ERC2: variants seen among roughly 807,000 people sequenced by gnomAD.
ERC2 encodes ERC protein 2.
In ERC2, 42 loss-of-function variants were observed where a neutral mutation model predicts 114.8. The observed-to-expected ratio is 0.37, with a 90% CI of 0.29 to 0.47. The LOEUF is 0.47. ERC2 is among the 20% of genes least tolerant of loss of function. ERC2 has a pLI of 0.99. For synonymous variants in ERC2, 454 were observed against 425.5 expected, an observed-to-expected ratio of 1.07 and a Z score of -0.82; for missense variants, 939 against 1,150.7, an observed-to-expected ratio of 0.82 and a Z score of 2.66.
chr3:55,580,230 T>C (rs750697370), intron 17 of ERC2, among the ~76,000 whole-genome samples: 9 of 142,450 alleles, frequency 6.3e-5, no homozygotes, highest in Non-Finnish European at 1.2e-4. Flanking sequence ...ATAGGAAGCA[T>C]ATTTTTTTTT....
chr3:55,795,368 G>T (rs1007838086), intron 14 of ERC2, among the ~76,000 whole-genome samples: 14 of 152,140 alleles, frequency 9.2e-5, no homozygotes, highest in African/African-American at 3.4e-4. Context: ...CTTTGCCCCA[G>T]ATCTCCATTG....
At chr3:55,918,335 A>G (rs2065224527) in intron 13 of ERC2, among the ~76,000 whole-genome samples, 1 of 152,086 alleles carries the variant, frequency 6.6e-6, no homozygotes, top group African/African-American at 2.4e-5. Context: ...AGGGTGATCT[A>G]TGAGCATCTG....
At chr3:55,756,193 G>A in intron 14 of ERC2, among the ~76,000 whole-genome samples, 1 of 152,146 alleles carries the variant, frequency 6.6e-6, no homozygotes, top group East Asian at 1.9e-4. Context: ...ACACAGTCAC[G>A]AAGCTAAAAA....
intron 15 of ERC2, among the ~76,000 whole-genome samples, chr3:55,721,240 G>T (rs1380429573): frequency 6.6e-6 from 1 of 152,214 alleles, no homozygotes; most frequent in Non-Finnish European, 1.5e-5. Flanking sequence ...TCTGCAAAGT[G>T]GGCATAATGA....
chr3:56,422,664 A>G (rs915154683), intron 2 of ERC2, among the ~76,000 whole-genome samples: 1 of 152,076 alleles, frequency 6.6e-6, no homozygotes, highest in Admixed American at 6.6e-5. Flanking sequence ...TCAGCCCCAG[A>G]TTCCTTGGTT....
At chr3:56,357,471 T>G (rs145655530) in intron 2 of ERC2, among the ~76,000 whole-genome samples, 30 of 152,112 alleles carry the variant, frequency 2.0e-4, no homozygotes, top group Admixed American at 1.9e-3. Flanking sequence ...ACAGCCTGCA[T>G]AGGCCCAGGC....
At chr3:55,569,647 A>G (rs2056589051) in intron 17 of ERC2, among the ~76,000 whole-genome samples, 1 of 152,238 alleles carries the variant, frequency 6.6e-6, no homozygotes. Flanking sequence ...TAAAATGTTC[A>G]GCCTGTCACA....
intron 17 of ERC2, among the ~76,000 whole-genome samples, chr3:55,621,473 T>C (rs901708127): frequency 1.3e-5 from 2 of 152,198 alleles, no homozygotes; most frequent in Admixed American, 6.5e-5. Context: ...ATATCGCTTA[T>C]CTACTACTGT....
At chr3:56,450,188 G>A (rs537537740) in intron 1 of ERC2, among the ~76,000 whole-genome samples, 28 of 152,162 alleles carry the variant, frequency 1.8e-4, no homozygotes, top group African/African-American at 5.1e-4. Flanking sequence ...ACTCAAACAC[G>A]CCTATCCACA....
At position 55,780,996 on chromosome 3, in the gene ERC2, G is replaced by T. The variant is rs373403103; in HGVS notation, c.2565-46078C>A. Among the ~76,000 whole-genome samples the T allele has an allele frequency of 6.6e-5, 10 of 152,342 alleles. No individual in the cohort carries two copies. In the East Asian group the frequency reaches 1.5e-3, roughly 24 times the overall value. On this transcript the variant is annotated intron_variant, in intron 14 of 17. Coordinates refer to ENST00000288221, the MANE Select transcript of ERC2 (RefSeq NM_015576.3). Reference sequence around the variant, plus strand: ...AAGAATAGCAATAAAGGGCTCTGAAGGAAGCTATCAGTGACATCCGGGGCC... The same window carrying T: ...AAGAATAGCAATAAAGGGCTCTGAATGAAGCTATCAGTGACATCCGGGGCC...
intron 2 of ERC2, among the ~76,000 whole-genome samples, chr3:56,333,029 T>C (rs2057696143): frequency 6.6e-6 from 1 of 152,244 alleles, no homozygotes; most frequent in South Asian, 2.1e-4. Context: ...ACTTTTTTAG[T>C]TCATGCTGCC....
chr3:56,414,125 G>C (rs991086144), intron 2 of ERC2, among the ~76,000 whole-genome samples: 1 of 152,168 alleles, frequency 6.6e-6, no homozygotes, highest in Non-Finnish European at 1.5e-5. Context: ...AACAAAGGCA[G>C]CTCCTCCCCC....
At chr3:55,854,898 C>T (rs1206690678) in intron 14 of ERC2, among the ~76,000 whole-genome samples, 1 of 152,098 alleles carries the variant, frequency 6.6e-6, no homozygotes, top group Non-Finnish European at 1.5e-5. Context: ...CTTGTTTTAA[C>T]AGAGAGCTCC....
intron 1 of ERC2, among the ~76,000 whole-genome samples, chr3:56,447,538 A>G (rs991075750): frequency 6.6e-6 from 1 of 152,172 alleles, no homozygotes; most frequent in African/African-American, 2.4e-5. Flanking sequence ...AATTTGGACA[A>G]ATGAAACTGG....
intron 2 of ERC2, among the ~76,000 whole-genome samples, chr3:56,381,315 T>C (rs181019970): frequency 5.9e-5 from 9 of 152,314 alleles, no homozygotes; most frequent in African/African-American, 1.9e-4. Context: ...TGGGTATACT[T>C]AGGGGATTGG....
chr3:55,622,724 A>G (rs550957805), intron 17 of ERC2, among the ~76,000 whole-genome samples: 215 of 151,922 alleles, frequency 1.4e-3, no homozygotes, highest in African/African-American at 4.9e-3. Flanking sequence ...GTTTGTTTAT[A>G]CTCTGCCTTG....
chr3:56,042,977 T>G (rs2075274670), intron 7 of ERC2, among the ~76,000 whole-genome samples: 3 of 152,108 alleles, frequency 2.0e-5, no homozygotes, highest in Admixed American at 6.5e-5. Context: ...CCAAAGGAGC[T>G]TCTAGAAATA....
intron 14 of ERC2, among the ~76,000 whole-genome samples, chr3:55,779,327 C>CA (rs60185894): frequency 0.069 from 4,297 of 62,388 alleles, 70 homozygotes; most frequent in Middle Eastern, 0.11. Flanking sequence ...ACTAAAAATA[C>CA]AAAAAAAAAA....
At chr3:56,407,789 C>G (rs1332072885) in intron 2 of ERC2, among the ~76,000 whole-genome samples, 1 of 152,136 alleles carries the variant, frequency 6.6e-6, no homozygotes, top group Non-Finnish European at 1.5e-5. Context: ...CAGGGACCCC[C>G]CTGGAACACG....
Sources: gnomAD v4.1 joint callset for allele counts (sites outside exome capture counted in the v4.1 genomes callset) on GRCh38, gnomAD v4.1.1 for gene constraint, MANE v1.5 for transcripts, NCBI Gene and HGNC (gene_info 2026-07-23, HGNC 2026-07-21) for gene names.